The following TPTE variants were observed in gnomAD, a reference collection of about 807,000 sequenced individuals.
The protein encoded by TPTE is transmembrane phosphatase with tensin homology.
TPTE carries 59 observed loss-of-function variants against 84.1 expected under a neutral mutation model. The ratio of observed to expected loss-of-function variants is 0.70; its 90% CI spans 0.57 to 0.87. The LOEUF (loss-of-function observed/expected upper bound fraction) is 0.87. TPTE is among the 40% of genes least tolerant of loss of function. The pLI is 0.00. For synonymous variants in TPTE, 130 were observed against 223.5 expected (o/e 0.58, Z 3.73); for missense variants, 382 against 659.6 (o/e 0.58, Z 4.61).
intron 7 of TPTE, among the ~76,000 whole-genome samples, chr21:10,551,002 C>T (rs1470347954): frequency 3.3e-5 from 5 of 152,304 alleles, no homozygotes. Context: ...CCTTGAGTTA[C>T]AGTGAGTGAA....
chr21:10,541,540 A>G (rs565343447), intron 5 of TPTE, among the ~76,000 whole-genome samples: 13 of 152,404 alleles, frequency 8.5e-5, no homozygotes, highest in African/African-American at 2.9e-4. Flanking sequence ...GACCGAGATT[A>G]GTGGGATTAA....
intron 4 of TPTE, among the ~76,000 whole-genome samples, chr21:10,540,196 G>A (rs896103828): frequency 1.2e-4 from 18 of 152,418 alleles, no homozygotes; most frequent in Middle Eastern, 3.4e-3. Flanking sequence ...AATGCACCAT[G>A]TGATACCAAG....
chr21:10,557,056 T>C (rs1330700457), intron 8 of TPTE, among the ~76,000 whole-genome samples: 6 of 152,390 alleles, frequency 3.9e-5, no homozygotes, highest in South Asian at 2.1e-4. Flanking sequence ...AATTAGATCC[T>C]GTTTGTCAAT....
intron 17 of TPTE, among the ~76,000 whole-genome samples, chr21:10,587,075 G>A (rs1386226319): frequency 6.6e-6 from 1 of 152,310 alleles, no homozygotes; most frequent in East Asian, 1.9e-4. Context: ...CATTAATTGA[G>A]ATAATTGTAA....
intron 17 of TPTE, among the ~76,000 whole-genome samples, chr21:10,583,287 A>T (rs2075302537): frequency 6.6e-6 from 1 of 152,308 alleles, no homozygotes; most frequent in African/African-American, 2.4e-5. Context: ...TGTTTGTGTG[A>T]TGGCATCTTA....
intron 17 of TPTE, among the ~76,000 whole-genome samples, chr21:10,590,020 A>G (rs1395097690): frequency 1.3e-5 from 2 of 152,304 alleles, no homozygotes; most frequent in African/African-American, 4.8e-5. Flanking sequence ...ATTCACTTTG[A>G]AAATATATGT....
At chr21:10,540,065 G>A (rs2074340010) in intron 4 of TPTE, among the ~76,000 whole-genome samples, 2 of 152,428 alleles carry the variant, frequency 1.3e-5, no homozygotes, top group East Asian at 3.8e-4. Flanking sequence ...AAAAGCAATT[G>A]GAATTATTTT....
chr21:10,569,381 A>T, intron 11 of TPTE, 56 bp from the exon 12 acceptor site: 1 of 1,595,178 alleles, frequency 6.3e-7, no homozygotes, highest in Non-Finnish European at 8.6e-7. Context: ...GACATAGTTT[A>T]TATTGATAAA....
chr21:10,600,571 A>G (rs1400553497), intron 21 of TPTE, among the ~76,000 whole-genome samples: 1 of 152,306 alleles, frequency 6.6e-6, no homozygotes, highest in Non-Finnish European at 1.5e-5. Context: ...CCTTAATGAA[A>G]TTTTTGCATT....
At chr21:10,554,977 C>T (rs1470355136) in intron 8 of TPTE, among the ~76,000 whole-genome samples, 5 of 152,426 alleles carry the variant, frequency 3.3e-5, no homozygotes, top group South Asian at 2.1e-4. Flanking sequence ...ATGGCCACCT[C>T]CCTACCCCCA....
intron 22 of TPTE, among the ~76,000 whole-genome samples, chr21:10,603,068 G>T (rs1477542473): frequency 6.6e-6 from 1 of 152,306 alleles, no homozygotes; most frequent in African/African-American, 2.4e-5. Flanking sequence ...TGAGAAGGTT[G>T]TGTAAGGCAG....
At chr21:10,563,284 A>G (rs925344083) in intron 10 of TPTE, among the ~76,000 whole-genome samples, 1 of 152,310 alleles carries the variant, frequency 6.6e-6, no homozygotes, top group Non-Finnish European at 1.5e-5. Flanking sequence ...AGATAAGGAC[A>G]TTAATGAGCA....
Position 10,566,977 on chromosome 21 carries a change from C to CAAA in TPTE, c.447-677_447-675dup, listed in dbSNP as rs141155041. 1.5e-3 allele frequency among the ~76,000 whole-genome samples: 194 copies of CAAA among 126,058 alleles called. 1 individual carries two copies. Among genetic ancestry groups the CAAA allele is most frequent in the African/African-American group, 4.9e-3 (182 of 37,434 alleles). 82.7% of individuals were successfully genotyped at this position (126,058 alleles called of 152,430 possible). A position where few individuals can be genotyped will look rare whatever the true frequency, so the allele number is the denominator to read the frequency against. On this transcript the variant is annotated intron_variant, in intron 10 of 23. Coordinates refer to ENST00000618007, the MANE Select transcript of TPTE (RefSeq NM_199261.4). ...GGGCAACAAGAGTGAAACTCCATCT[C>CAAA]AAAAAAAAAAAAAAAAAATACTGTC...
At chr21:10,521,872 T>G (rs1240046806) in intron 1 of TPTE, among the ~76,000 whole-genome samples, 178 bp downstream of exon 1, 3 of 152,082 alleles carry the variant, frequency 2.0e-5, no homozygotes, top group Non-Finnish European at 4.4e-5. Context: ...CCGGGAGGTG[T>G]CCGCACAAAA....
intron 7 of TPTE, among the ~76,000 whole-genome samples, chr21:10,545,724 T>G (rs2074453934): frequency 6.6e-6 from 1 of 151,874 alleles, no homozygotes; most frequent in South Asian, 2.1e-4. Flanking sequence ...GTAATATATA[T>G]AGATATATAA....
At chr21:10,528,086 T>C (rs1568950181) in intron 3 of TPTE, among the ~76,000 whole-genome samples, 1 of 152,302 alleles carries the variant, frequency 6.6e-6, no homozygotes. Flanking sequence ...TACCAACACA[T>C]AGAGACTTCT....
intron 2 of TPTE, among the ~76,000 whole-genome samples, chr21:10,525,781 C>T (rs1413060519): frequency 3.3e-5 from 5 of 152,300 alleles, no homozygotes; most frequent in African/African-American, 1.2e-4. Context: ...TCATTCTGTG[C>T]CCCAAAGCAG....
chr21:10,575,585 T>A (rs2075133723), intron 14 of TPTE, among the ~76,000 whole-genome samples: 1 of 152,310 alleles, frequency 6.6e-6, no homozygotes, highest in Non-Finnish European at 1.5e-5. Context: ...AACAGGGGTC[T>A]CCAGCCACCT....
chr21:10,582,097 CT>C (rs1429981137), intron 17 of TPTE, among the ~76,000 whole-genome samples: 7 of 152,302 alleles, frequency 4.6e-5, no homozygotes, highest in African/African-American at 1.7e-4. Flanking sequence ...ATATTTCACG[CT>C]TTTCTGTCAT....
Sources: gnomAD v4.1 joint callset for allele counts (sites outside exome capture counted in the v4.1 genomes callset) on GRCh38, gnomAD v4.1.1 for gene constraint, MANE v1.5 for transcripts, NCBI Gene and HGNC (gene_info 2026-07-23, HGNC 2026-07-21) for gene names.